The following MME variants were observed in gnomAD, a reference collection of about 807,000 sequenced individuals.
The protein encoded by MME is membrane metalloendopeptidase, also known as neprilysin.
A neutral mutation model predicts 113.2 loss-of-function variants in MME; 98 were observed. The observed-to-expected ratio is 0.87, with a 90% CI of 0.74 to 1.02. MME has a LOEUF of 1.02. Ranked by LOEUF, MME falls within the 50% of genes least tolerant of loss-of-function variation. The pLI is 0.00. For missense variants in MME, 836 were observed against 896.0 expected (o/e 0.93, Z 0.86); for synonymous variants, 292 against 300.6 (o/e 0.97, Z 0.30).
At chr3:155,084,013 A>C in intron 1 of MME, 145 bp from the exon 2 acceptor site, 1 of 731,914 alleles carries the variant, frequency 1.4e-6, no homozygotes, top group Non-Finnish European at 2.3e-6. Context: ...GCATTCAGCA[A>C]CAAAATTTTG....
chr3:155,154,337 G>A (rs1008530328), intron 16 of MME, among the ~76,000 whole-genome samples: 2 of 152,144 alleles, frequency 1.3e-5, no homozygotes, highest in African/African-American at 4.8e-5. Context: ...AGAGCAGTTG[G>A]CACCCTGGGA....
intron 1 of MME, 69 bp from the exon 2 acceptor site, chr3:155,084,089 C>T (rs755224674): frequency 1.1e-5 from 14 of 1,297,716 alleles, no homozygotes; most frequent in Non-Finnish European, 1.4e-5. Context: ...TATCCAGCCA[C>T]ATTAAGCATT....
intron 1 of MME, among the ~76,000 whole-genome samples, chr3:155,082,365 A>G (rs1034548027): frequency 1.3e-5 from 2 of 152,238 alleles, no homozygotes; most frequent in African/African-American, 2.4e-5. Flanking sequence ...AATGTGCTTA[A>G]CATTCAGGTG....
intron 1 of MME, chr3:155,081,507 C>G (rs1715141780): frequency 6.6e-6 from 1 of 152,072 alleles, no homozygotes; most frequent in Non-Finnish European, 1.5e-5. Flanking sequence ...TCCACTTTTC[C>G]GTTTAAACTT....
At chr3:155,054,921 C>G (rs1029799408) in intron 1 of MME, among the ~76,000 whole-genome samples, 1 of 152,206 alleles carries the variant, frequency 6.6e-6, no homozygotes, top group African/African-American at 2.4e-5. Flanking sequence ...CTAAAAAACA[C>G]TGAGTTTCCA....
At chr3:155,094,297 C>T (rs1466171012) in intron 3 of MME, among the ~76,000 whole-genome samples, 1 of 152,114 alleles carries the variant, frequency 6.6e-6, no homozygotes, top group Non-Finnish European at 1.5e-5. Context: ...GTCAGTTCAG[C>T]TTTCTGCATT....
At chr3:155,163,028 A>AG (rs1299335697) in intron 17 of MME, among the ~76,000 whole-genome samples, 149 of 151,420 alleles carry the variant, frequency 9.8e-4, no homozygotes, top group African/African-American at 3.2e-3. Flanking sequence ...AAAAAAAAAA[A>AG]AAAGAAAGAA....
intron 1 of MME, among the ~76,000 whole-genome samples, chr3:155,029,263 A>G (rs1378288989): frequency 6.6e-6 from 1 of 152,114 alleles, no homozygotes; most frequent in African/African-American, 2.4e-5. Flanking sequence ...CTTAAAAACA[A>G]ATCCATCCAA....
At chr3:155,063,549 ATT>A (rs1491550894) in intron 1 of MME, among the ~76,000 whole-genome samples, 4 of 117,310 alleles carry the variant, frequency 3.4e-5, no homozygotes, top group Non-Finnish European at 6.5e-5. Context: ...TAAATAATAT[ATT>A]TATTTAATAA....
Position 155,084,356 on chromosome 3 carries a change from TA to T in MME, c.160+31del, listed in dbSNP as rs760688932. 2.5e-6 allele frequency: 4 copies of T among 1,612,046 alleles called. No homozygotes were observed. In the Admixed American group the frequency reaches 6.7e-5, roughly 27 times the overall value. On this transcript the variant is annotated intron_variant, in intron 2 of 22. Coordinates refer to ENST00000360490, the MANE Select transcript of MME (RefSeq NM_007289.4). Reference sequence around the variant, plus strand: ...AGTTACTCCCACACCTGTGCATCCATAAGTGCAAAAGAGAAGGAAATCTTCC... The same window carrying T: ...AGTTACTCCCACACCTGTGCATCCATAGTGCAAAAGAGAAGGAAATCTTCC...
chr3:155,028,269 C>G (rs1055194972), intron 1 of MME, among the ~76,000 whole-genome samples: 1 of 152,096 alleles, frequency 6.6e-6, no homozygotes, highest in Non-Finnish European at 1.5e-5. Context: ...CTAAGAGAAC[C>G]ATAAAATGGA....
At chr3:155,163,119 G>A (rs559143954) in intron 17 of MME, among the ~76,000 whole-genome samples, 2 of 151,852 alleles carry the variant, frequency 1.3e-5, no homozygotes, top group East Asian at 3.9e-4. Flanking sequence ...AATGGATTTG[G>A]GATAATGTCC....
chr3:155,133,287 A>G (rs1720318212), intron 8 of MME, among the ~76,000 whole-genome samples: 1 of 151,670 alleles, frequency 6.6e-6, no homozygotes. Flanking sequence ...TGTTTTAATC[A>G]GTTACATTGG....
chr3:155,180,211 C>T (rs1304635551), intron 22 of MME, 149 bp from the exon 23 acceptor site: 1 of 714,240 alleles, frequency 1.4e-6, no homozygotes, highest in African/African-American at 1.8e-5. Context: ...AATGAGAAGG[C>T]ACTGACTCAT....
At chr3:155,033,375 T>C (rs1713035064) in intron 1 of MME, among the ~76,000 whole-genome samples, 2 of 152,206 alleles carry the variant, frequency 1.3e-5, no homozygotes, top group African/African-American at 4.8e-5. Flanking sequence ...ACCTTCAAGT[T>C]TAAATCTATT....
intron 1 of MME, among the ~76,000 whole-genome samples, chr3:155,061,228 A>G (rs1057319582): frequency 5.3e-5 from 8 of 152,098 alleles, no homozygotes; most frequent in Admixed American, 2.0e-4. Context: ...CGAGGTGGGC[A>G]GATCACGAGG....
intron 1 of MME, among the ~76,000 whole-genome samples, chr3:155,040,557 A>G (rs1274425636): frequency 6.6e-6 from 1 of 151,930 alleles, no homozygotes; most frequent in Non-Finnish European, 1.5e-5. Context: ...CATTATGTGT[A>G]TGCATGTAAT....
In MME at chr3:155,031,031, G is replaced by A. The variant is rs887949567; in HGVS notation, c.-11+6707G>A. ...CACAGAATCTTAGCCATAGACTGCA[G>A]TTTGGAATGATTTTCTTTAAGTCCT... On this transcript the variant is annotated intron_variant, in intron 1 of 22. Coordinates refer to the MME transcript ENST00000492661. Among the ~76,000 whole-genome samples, 3 of 152,212 alleles carry A rather than the reference G, an allele frequency of 2.0e-5. No individual in the cohort carries two copies. The East Asian group carries it at 5.8e-4, about 29-fold the overall frequency.
chr3:155,078,047 C>CAT (rs761469601), upstream of MME, among the ~76,000 whole-genome samples: 1 of 121,602 alleles, frequency 8.2e-6, no homozygotes, highest in African/African-American at 3.5e-5. Context: ...AGTAAAAGTA[C>CAT]ACACACACAC....
Sources: allele counts gnomAD v4.1 joint callset (sites outside exome capture counted in the v4.1 genomes callset), GRCh38; gene constraint gnomAD v4.1.1; transcripts MANE v1.5; gene names NCBI Gene and HGNC (gene_info 2026-07-23, HGNC 2026-07-21).